Variants in RALYL observed in about 807,000 individuals in gnomAD.
RALYL encodes the protein RNA-binding Raly-like protein.
A neutral mutation model predicts 35.1 loss-of-function variants in RALYL; 29 were observed. The observed-to-expected ratio is 0.83, with a 90% CI of 0.61 to 1.13. RALYL has a LOEUF of 1.13. Ranked by LOEUF, RALYL falls within the 50% of genes most tolerant of loss-of-function variation. The pLI, the probability that RALYL is intolerant of heterozygous loss-of-function variation, is 0.00. For synonymous variants in RALYL, 120 were observed against 127.6 expected (o/e 0.94, Z 0.40); for missense variants, 359 against 360.4 (o/e 1.00, Z 0.03).
At chr8:84,810,985 T>G (rs1586459854) in intron 4 of RALYL, among the ~76,000 whole-genome samples, 1 of 152,176 alleles carries the variant, frequency 6.6e-6, no homozygotes, top group South Asian at 2.1e-4. Flanking sequence ...AGGCCATTTA[T>G]ATTCAATGTT....
intron 1 of RALYL, among the ~76,000 whole-genome samples, chr8:84,410,603 A>G (rs954010221): frequency 6.6e-6 from 1 of 151,998 alleles, no homozygotes; most frequent in Admixed American, 6.6e-5. Context: ...TATTGTTTAC[A>G]ATATGTCGTT....
chr8:84,562,885 C>A (rs534417337), intron 2 of RALYL, among the ~76,000 whole-genome samples: 1 of 151,842 alleles, frequency 6.6e-6, no homozygotes, highest in South Asian at 2.1e-4. Flanking sequence ...ACCTTGGGCA[C>A]GAGACTCAAT....
intron 2 of RALYL, among the ~76,000 whole-genome samples, chr8:84,682,708 G>T (rs899857314): frequency 1.3e-5 from 2 of 152,016 alleles, no homozygotes; most frequent in Non-Finnish European, 2.9e-5. Context: ...AGTTTTTATT[G>T]CGTCTTTTTG....
intron 2 of RALYL, among the ~76,000 whole-genome samples, chr8:84,611,240 T>A (rs565751549): frequency 5.9e-4 from 90 of 152,304 alleles, no homozygotes; most frequent in Middle Eastern, 3.4e-3. Context: ...ATTTGATTGA[T>A]GAAAGTGTCA....
chr8:84,293,859 T>A (rs1043336826), intron 1 of RALYL, among the ~76,000 whole-genome samples: 1 of 152,082 alleles, frequency 6.6e-6, no homozygotes, highest in Non-Finnish European at 1.5e-5. Context: ...CCTTACTACT[T>A]CTTCTTCCTC....
rs542868496 is a variant in RALYL, at chr8:84,908,294, G to C, written c.859-12600G>C. Among the ~76,000 whole-genome samples, 5 of 152,206 alleles carry C rather than the reference G, an allele frequency of 3.3e-5. No homozygotes were observed. In the South Asian group the frequency reaches 8.3e-4, roughly 25 times the overall value. ...ACTATAGTCACCATACTGTGCAATA[G>C]ATCTCAAAAAACTTACTCCTCCTCT... is the stretch of plus-strand genomic sequence containing the variant. On this transcript the variant is annotated intron_variant, in intron 8 of 8. Transcript: ENST00000521268.
intron 4 of RALYL, among the ~76,000 whole-genome samples, chr8:84,848,804 G>C (rs1263497579): frequency 6.6e-6 from 1 of 152,040 alleles, no homozygotes; most frequent in African/African-American, 2.4e-5. Flanking sequence ...AGTTATGTAT[G>C]TTTTGCCACA....
At chr8:84,515,968 A>G (rs938094863) in intron 1 of RALYL, among the ~76,000 whole-genome samples, 3 of 150,716 alleles carry the variant, frequency 2.0e-5, no homozygotes, top group African/African-American at 7.3e-5. Context: ...AAATGATAAA[A>G]AGAATATATT....
At chr8:84,323,217 T>A (rs188578655) in intron 1 of RALYL, among the ~76,000 whole-genome samples, 10 of 152,122 alleles carry the variant, frequency 6.6e-5, no homozygotes, top group Admixed American at 2.6e-4. Flanking sequence ...AATAATTATT[T>A]TAAATAGTAA....
intron 1 of RALYL, among the ~76,000 whole-genome samples, chr8:84,388,433 G>A (rs543687927): frequency 8.9e-4 from 135 of 152,260 alleles, no homozygotes; most frequent in African/African-American, 3.2e-3. Flanking sequence ...CTTCCACAAT[G>A]GTTGAACAGT....
At chr8:84,223,342 T>C (rs1242921101) in intron 1 of RALYL, among the ~76,000 whole-genome samples, 8 of 152,066 alleles carry the variant, frequency 5.3e-5, no homozygotes, top group African/African-American at 1.9e-4. Context: ...ATAGGCTCTT[T>C]TGTCTCCACC....
intron 1 of RALYL, among the ~76,000 whole-genome samples, chr8:84,274,564 A>G (rs916578847): frequency 6.6e-5 from 10 of 152,276 alleles, no homozygotes; most frequent in Admixed American, 2.6e-4. Flanking sequence ...TTTGGGCAAT[A>G]AAGCAAATCA....
At chr8:84,702,537 T>A (rs929850559) in intron 2 of RALYL, among the ~76,000 whole-genome samples, 1 of 143,610 alleles carries the variant, frequency 7.0e-6, no homozygotes, top group African/African-American at 2.6e-5. Context: ...TCTCTCTCTC[T>A]CTCACACACA....
chr8:84,427,831 T>G (rs2046668857), intron 1 of RALYL, among the ~76,000 whole-genome samples: 1 of 152,190 alleles, frequency 6.6e-6, no homozygotes, highest in Admixed American at 6.5e-5. Flanking sequence ...TAATTATCTC[T>G]CTCTCCCCTC....
At chr8:84,522,832 A>T (rs2058569684) in intron 1 of RALYL, among the ~76,000 whole-genome samples, 1 of 152,062 alleles carries the variant, frequency 6.6e-6, no homozygotes. Context: ...ATATATTAAT[A>T]TTGCTGGTGG....
chr8:84,858,358 T>C (rs561110991), intron 5 of RALYL, among the ~76,000 whole-genome samples: 1 of 152,348 alleles, frequency 6.6e-6, no homozygotes, highest in African/African-American at 2.4e-5. Context: ...ATTATTATTA[T>C]ATGTTTGGCT....
chr8:84,716,883 G>T (rs536420702), intron 2 of RALYL, among the ~76,000 whole-genome samples: 1 of 151,984 alleles, frequency 6.6e-6, no homozygotes, highest in Non-Finnish European at 1.5e-5. Flanking sequence ...TAGGAAAAAA[G>T]TTAATAACCA....
intron 1 of RALYL, among the ~76,000 whole-genome samples, chr8:84,324,935 A>G (rs994150217): frequency 2.6e-5 from 4 of 151,966 alleles, no homozygotes; most frequent in African/African-American, 9.7e-5. Flanking sequence ...GTTACTCTAT[A>G]CCTCCCACAC....
At chr8:84,285,664 T>C (rs191754691) in intron 1 of RALYL, among the ~76,000 whole-genome samples, 4 of 152,254 alleles carry the variant, frequency 2.6e-5, no homozygotes, top group East Asian at 3.9e-4. Flanking sequence ...GGGAAGAAGA[T>C]ACTTCGCTCA....
Sources: allele counts gnomAD v4.1 joint callset (sites outside exome capture counted in the v4.1 genomes callset), GRCh38; gene constraint gnomAD v4.1.1; transcripts MANE v1.5; gene names NCBI Gene and HGNC (gene_info 2026-07-23, HGNC 2026-07-21).